Variants in IL13RA2 observed in about 807,000 individuals in gnomAD.
The protein encoded by IL13RA2 is interleukin-13 receptor subunit alpha-2.
Under a neutral mutation model 34.1 loss-of-function variants are expected in IL13RA2, and 25 were observed. The observed-to-expected ratio is 0.73, with a 90% CI of 0.53 to 1.03. The LOEUF (loss-of-function observed/expected upper bound fraction) is 1.03. IL13RA2 is among the 50% of genes least tolerant of loss of function. The pLI is 0.00. For synonymous variants in IL13RA2, 106 were observed against 100.4 expected (o/e 1.06, Z -0.33); for missense variants, 297 against 280.9 (o/e 1.06, Z -0.41).
At chrX:115,015,859 A>T (rs782497064) in intron 2 of IL13RA2, 38 bp from the exon 3 acceptor site, 1 of 956,611 alleles carries the variant, frequency 1.0e-6, no homozygotes, top group Non-Finnish European at 1.5e-6. Context: ...TTTTTTCTGT[A>T]TTTTATGACA....
chrX:115,013,311 C>G (rs1401264438), intron 5 of IL13RA2, among the ~76,000 whole-genome samples: 1 of 110,481 alleles, frequency 9.1e-6, no homozygotes, highest in East Asian at 2.8e-4. Flanking sequence ...AAAGGAGCAT[C>G]AGAACATGGT....
chrX:115,015,784 T>A lies in IL13RA2; in HGVS notation c.132A>T (p.Gly44=), dbSNP rs1264804519. 2.1e-5 allele frequency: 25 copies of A among 1,186,916 alleles called. No individual in the cohort carries two copies. In the Admixed American group the frequency reaches 5.3e-4, roughly 25 times the overall value. The part of the protein sequence containing the change: ...PPQDFEIVDP[G]YLGYLYLQWQ... ...ATTGCAAATAGAGATAACCTAAGTA[T>A]CCGGGATCCACTATCTCAAAATCCT... The change falls in exon 3 of 10, where the codon GGA becomes GGT. Residue 44 remains glycine (G), a synonymous_variant. Transcript: ENST00000243213.
intron 7 of IL13RA2, 37 bp from the exon 8 acceptor site, chrX:115,008,113 A>C (rs782558363): frequency 1.0e-6 from 1 of 987,071 alleles, no homozygotes; most frequent in Non-Finnish European, 1.4e-6. Context: ...CCATTATTTG[A>C]TCTAGTTGCA....
chrX:115,009,554 T>G lies in IL13RA2; in HGVS notation c.819A>C (p.Glu273Asp), dbSNP rs782453571. Reference protein sequence around the residue: ...GPIPARCFDYEIEIREDDTTL... With the variant: ...GPIPARCFDYDIEIREDDTTL... ...TAGTATCATCTTCTCTGATCTCAATTTCATAATCAAAACACCTTGCTGGAA... is the reference window on the plus strand; with the variant it reads ...TAGTATCATCTTCTCTGATCTCAATGTCATAATCAAAACACCTTGCTGGAA... Residue 273 changes from glutamate to aspartate, a missense_variant, in exon 7 of 10, where the codon GAA (glutamate) becomes GAC (aspartate). Glu to Asp is a conservative substitution (Grantham distance 45). Coordinates refer to ENST00000243213, the MANE Select transcript of IL13RA2 (RefSeq NM_000640.3). 10 of 1,197,885 alleles carry G rather than the reference T, an allele frequency of 8.3e-6. No individual in the cohort carries two copies. Among genetic ancestry groups the G allele is most frequent in the Middle Eastern group, 2.3e-4 (1 of 4,324 alleles).
intron 2 of IL13RA2, among the ~76,000 whole-genome samples, chrX:115,016,658 TATA>T (rs199680501): frequency 0.1 from 10,852 of 105,865 alleles, 536 homozygotes; most frequent in Middle Eastern, 0.16. Context: ...TAATATATAA[TATA>T]ATAATATACT....
chrX:115,010,767 T>C lies in IL13RA2; in HGVS notation c.583A>G (p.Ile195Val), dbSNP rs781901243. Residue 195 changes from isoleucine to valine, a missense_variant, in exon 6 of 10, where the codon ATA (isoleucine) becomes GTA (valine). Transcript: ENST00000243213. ...VDYIKADGQNIGCRFPYLEAS... is the reference protein window; with the variant it reads ...VDYIKADGQNVGCRFPYLEAS... ...TCCAAATAGGGAAATCTGCATCCTA[T>C]ATTTTGTCCATCAGCCTTGATGTAA... 4.4e-6 allele frequency: 5 copies of C among 1,131,597 alleles called. No homozygotes were observed. The highest frequency in any genetic ancestry group is 4.8e-6 in the Non-Finnish European group (4 of 829,338). 93.3% of individuals were successfully genotyped at this position (1,131,597 alleles called of 1,213,427 possible).
chrX:115,006,827 A>T (rs2071687216), intron 8 of IL13RA2, among the ~76,000 whole-genome samples: 1 of 112,327 alleles, frequency 8.9e-6, no homozygotes, highest in Non-Finnish European at 1.9e-5. Context: ...CAATGCATTG[A>T]CTAATGACGA....
Position 115,015,787 on chromosome X carries a change from G to A in IL13RA2, c.129C>T (p.Pro43=), listed in dbSNP as rs782793454. 6.7e-6 allele frequency: 8 copies of A among 1,185,464 alleles called. No homozygotes were observed. In the South Asian group the frequency reaches 7.1e-5, roughly 11 times the overall value. The change falls in exon 3 of 10, where the codon CCC becomes CCT. Residue 43 remains proline (P), a synonymous_variant. Transcript: ENST00000243213. The part of the protein sequence containing the change: ...NPPQDFEIVD[P]GYLGYLYLQW... ...GCAAATAGAGATAACCTAAGTATCC[G>A]GGATCCACTATCTCAAAATCCTGAG...
chrX:115,014,716 C>T (rs2071719672), intron 3 of IL13RA2, 142 bp from the exon 4 acceptor site: 3 of 334,014 alleles, frequency 9.0e-6, no homozygotes, highest in Non-Finnish European at 1.0e-5. Flanking sequence ...TGATACAATG[C>T]CACAGATACA....
Position 115,009,599 on chromosome X carries a change from C to G in IL13RA2, c.774G>C (p.Trp258Cys). The change falls in exon 7 of 10, where the codon TGG becomes TGC. Residue 258 changes from tryptophan to cysteine, a missense_variant. Physicochemically the swap from Trp to Cys is radical, Grantham distance 215 (BLOSUM62 -2). Coordinates refer to ENST00000243213, the MANE Select transcript of IL13RA2 (RefSeq NM_000640.3). ...RESSCEIKLK[W>C]SIPLGPIPAR... ...CTGGAATAGGTCCCAAAGGTATGCT[C>G]CATTTCAGCTTAATTTCACATGAAC... is the stretch of plus-strand genomic sequence containing the variant. 1 of 1,197,057 alleles carries G rather than the reference C, an allele frequency of 8.4e-7. No individual in the cohort carries two copies. The highest frequency in any genetic ancestry group is 1.1e-6 in the Non-Finnish European group (1 of 882,362).
rs782466886 is a variant in IL13RA2 at position 115,005,206 on chromosome X, G to A, written c.1107C>T (p.Tyr369=). 3.3e-6 allele frequency: 3 copies of A among 911,995 alleles called. No individual in the cohort carries two copies. The highest frequency in any genetic ancestry group is 4.4e-5 in the Admixed American group (2 of 45,171). The allele number at this position is 911,995 out of a possible 1,213,427, so 75.2% of individuals were successfully genotyped here. ...ATGTTACACATCTTACCATTTTTGG[G>A]TAGGTGTTTGGCTTACGCAAAAGCA... ...TGLLLRKPNT[Y]PKMIPEFFCD... is the part of the protein sequence containing the mutation. Residue 369 remains tyrosine (Y), a synonymous_variant, in exon 9 of 10, where the codon TAC becomes TAT. Coordinates refer to ENST00000243213, the MANE Select transcript of IL13RA2 (RefSeq NM_000640.3).
rs377438065 is a variant in IL13RA2 at position 115,004,089 on chromosome X, A to T, written c.1134T>A (p.Cys378Ter). Residue 378 changes from cysteine to a stop codon, truncating the protein, a stop_gained, in exon 10 of 10, where the codon TGT (cysteine) becomes TGA (stop). Transcript: ENST00000243213. LOFTEE classifies it high-confidence loss of function. ...TYPKMIPEFFCDT is the reference protein window; with the variant it reads ...TYPKMIPEFF ...TTGATATGGAAAGTCTTCATGTATC[A>T]CAGAAAAATTCTGGAATCTAGAAAG... is the stretch of plus-strand genomic sequence containing the variant. 5.6e-6 allele frequency: 6 copies of T among 1,061,963 alleles called. No individual in the cohort carries two copies. In the African/African-American group the frequency reaches 7.4e-5, roughly 13 times the overall value. The allele number at this position is 1,061,963 out of a possible 1,213,427, so 87.5% of individuals were successfully genotyped here.
intron 8 of IL13RA2, 111 bp downstream of exon 8, chrX:115,007,821 A>T (rs1220054448): frequency 1.9e-6 from 1 of 516,907 alleles, no homozygotes; most frequent in South Asian, 3.5e-5. Context: ...CTCTCTGTTC[A>T]TAGACTATAT....
chrX:115,015,881 A>G, intron 2 of IL13RA2, 60 bp from the exon 3 acceptor site: 5 of 790,461 alleles, frequency 6.3e-6, no homozygotes, highest in Non-Finnish European at 9.2e-6. Flanking sequence ...ATATTGCTAA[A>G]TCTAGATGGC....
chrX:115,010,233 T>G (rs781788684), intron 6 of IL13RA2, among the ~76,000 whole-genome samples: 6 of 111,100 alleles, frequency 5.4e-5, no homozygotes, highest in African/African-American at 2.0e-4. Context: ...AACCCATCAC[T>G]CTCATAACCA....
In IL13RA2 at chrX:115,008,206, T is replaced by G. The variant is rs2071692584; in HGVS notation, c.853-130A>C. 4 of 505,718 alleles carry G rather than the reference T, an allele frequency of 7.9e-6. No individual in the cohort carries two copies. The East Asian group carries it at 1.5e-4, about 18-fold the overall frequency. 41.7% of individuals were successfully genotyped at this position (505,718 alleles called of 1,213,427 possible). On this transcript the variant is annotated intron_variant, in intron 7 of 9. Coordinates refer to ENST00000243213, the MANE Select transcript of IL13RA2 (RefSeq NM_000640.3). ...GCAATCTATGCATCAAAAGACTGGA[T>G]GCATAATCCCAGCAGTAATTAGCTC...
chrX:115,004,705 C>T (rs1240942298), intron 9 of IL13RA2, among the ~76,000 whole-genome samples: 1 of 111,511 alleles, frequency 9.0e-6, no homozygotes, highest in Non-Finnish European at 1.9e-5. Context: ...ATCTGCACGA[C>T]TCAAATGGCA....
chrX:115,009,486 G>A (rs1556508406), intron 7 of IL13RA2, 35 bp downstream of exon 7: 1 of 1,127,722 alleles, frequency 8.9e-7, no homozygotes, highest in South Asian at 1.9e-5. Context: ...AAAGGCTGTA[G>A]TTATGATTTT....
At chrX:115,013,720 C>T (rs1375806362) in intron 5 of IL13RA2, 49 bp downstream of exon 5, 3 of 700,459 alleles carry the variant, frequency 4.3e-6, no homozygotes, top group Non-Finnish European at 6.7e-6. Flanking sequence ...TATCGACTAA[C>T]TTGAGTAGAC....
Sources: allele counts gnomAD v4.1 joint callset (sites outside exome capture counted in the v4.1 genomes callset), GRCh38; gene constraint gnomAD v4.1.1; transcripts MANE v1.5; gene names NCBI Gene and HGNC (gene_info 2026-07-23, HGNC 2026-07-21).